Variants in FAM135A observed in about 807,000 individuals in gnomAD.
The protein encoded by FAM135A is family with sequence similarity 135 member A, also known as protein FAM135A.
In FAM135A, 79 loss-of-function variants were observed where a neutral mutation model predicts 146.8. The ratio of observed to expected loss-of-function variants is 0.54; its 90% CI spans 0.45 to 0.65. FAM135A has a LOEUF of 0.65. Among genes scored for constraint, FAM135A ranks in the 30% least tolerant of loss-of-function variants. The pLI is 0.00. For synonymous variants in FAM135A, 562 were observed against 603.6 expected, an observed-to-expected ratio of 0.93 and a Z score of 1.01; for missense variants, 1,623 against 1,758.2, an observed-to-expected ratio of 0.92 and a Z score of 1.38.
intron 2 of FAM135A, among the ~76,000 whole-genome samples, chr6:70,420,469 C>A (rs568321766): frequency 3.3e-5 from 5 of 152,192 alleles, no homozygotes; most frequent in African/African-American, 1.2e-4. Flanking sequence ...TTCCAGATAT[C>A]CATGCCTGGA....
intron 5 of FAM135A, among the ~76,000 whole-genome samples, chr6:70,458,099 T>C (rs1483845008): frequency 1.3e-5 from 2 of 149,932 alleles, no homozygotes; most frequent in African/African-American, 5.0e-5. Flanking sequence ...TTATATAATA[T>C]GTGAAAATCT....
chr6:70,526,766 TACACACACACACACACACACAC>T, intron 15 of FAM135A, 68 bp downstream of exon 15: 1 of 451,508 alleles, frequency 2.2e-6, no homozygotes, highest in Non-Finnish European at 3.7e-6. Flanking sequence ...CACACACACA[TACACACACACACACACACACAC>T]ACACACACAC....
intron 2 of FAM135A, 150 bp from the exon 3 acceptor site, chr6:70,426,289 A>C (rs1770133849): frequency 6.6e-6 from 1 of 152,212 alleles, no homozygotes; most frequent in Admixed American, 6.5e-5. Flanking sequence ...GAATGAAAAA[A>C]GTCTCTAAAA....
At chr6:70,464,332 A>G (rs1779957095) in intron 5 of FAM135A, among the ~76,000 whole-genome samples, 1 of 152,230 alleles carries the variant, frequency 6.6e-6, no homozygotes, top group Non-Finnish European at 1.5e-5. Flanking sequence ...TGAACAAGGA[A>G]ATAGGATATT....
At chr6:70,479,471 G>C (rs770228974) in intron 8 of FAM135A, among the ~76,000 whole-genome samples, 7 of 152,256 alleles carry the variant, frequency 4.6e-5, no homozygotes, top group African/African-American at 1.7e-4. Context: ...GCTGCCATGG[G>C]CCCTTATATC....
chr6:70,430,414 C>A (rs1418723218), intron 4 of FAM135A, among the ~76,000 whole-genome samples: 1 of 152,136 alleles, frequency 6.6e-6, no homozygotes. Flanking sequence ...CCACTGCATT[C>A]CATTGGCCAA....
chr6:70,420,185 A>G (rs1768498799), intron 2 of FAM135A, among the ~76,000 whole-genome samples: 1 of 152,162 alleles, frequency 6.6e-6, no homozygotes, highest in Admixed American at 6.5e-5. Flanking sequence ...AATTTGTTCA[A>G]CTTCTTTACC....
At position 70,526,354 on chromosome 6, in the gene FAM135A, G is replaced by C; in HGVS notation, c.3270G>C (p.Gln1090His). 4.3e-6 allele frequency: 7 copies of C among 1,613,466 alleles called. No individual in the cohort carries two copies. The highest frequency in any genetic ancestry group is 5.1e-6 in the Non-Finnish European group (6 of 1,179,670). ...ATAAAGAGGATGAGGAGGAAGAGCA[G>C]GATCAACAAATGGTTCAAAATGGGT... ...EQDKEDEEEE[Q>H]DQQMVQNGYY... Residue 1090 changes from glutamine (Q) to histidine (H), a missense_variant, in exon 15 of 22, where the codon CAG becomes CAC. Transcript: ENST00000418814.
intron 5 of FAM135A, among the ~76,000 whole-genome samples, chr6:70,470,713 A>G (rs975225963): frequency 6.6e-6 from 1 of 152,230 alleles, no homozygotes; most frequent in Non-Finnish European, 1.5e-5. Context: ...AGATTGTGCA[A>G]TAGTGTGAAT....
At chr6:70,498,285 A>C (rs1157295457) in intron 11 of FAM135A, among the ~76,000 whole-genome samples, 1 of 152,052 alleles carries the variant, frequency 6.6e-6, no homozygotes, top group East Asian at 1.9e-4. Context: ...GTATTCTCTG[A>C]TGGTAGTTTG....
chr6:70,531,583 GT>G (rs1795806637), intron 16 of FAM135A, among the ~76,000 whole-genome samples: 1 of 152,128 alleles, frequency 6.6e-6, no homozygotes, highest in Non-Finnish European at 1.5e-5. Context: ...GTCAGCTATT[GT>G]TTGTGCTGTT....
intron 11 of FAM135A, among the ~76,000 whole-genome samples, chr6:70,498,221 G>A (rs1787749726): frequency 6.6e-6 from 1 of 152,166 alleles, no homozygotes; most frequent in Admixed American, 6.5e-5. Context: ...ATGTGTCCAG[G>A]AATTTATCCA....
chr6:70,533,677 TA>T, intron 17 of FAM135A, 79 bp from the exon 18 acceptor site: 1 of 845,608 alleles, frequency 1.2e-6, no homozygotes, highest in Non-Finnish European at 1.8e-6. Context: ...GTACCTAAAT[TA>T]AAAATGTTTA....
At position 70,524,033 on chromosome 6, in the gene FAM135A, C is replaced by G; in HGVS notation, c.1170C>G (p.Pro390=). The stretch of plus-strand genomic sequence containing the variant: ...CTTCCTTCTGCAGTTCTCTTCCACC[C>G]TTACCTATTGAATGTAGTGAATTAG... ...KNTSFCSSLP[P]LPIECSELDG... Residue 390 remains proline (P), a synonymous_variant, in exon 14 of 22, where the codon CCC becomes CCG. Coordinates refer to ENST00000418814, the MANE Select transcript of FAM135A (RefSeq NM_001162529.3). The G allele has an allele frequency of 6.2e-7, 1 of 1,613,282 alleles. No homozygotes were observed. Among genetic ancestry groups the G allele is most frequent in the Non-Finnish European group, 8.5e-7 (1 of 1,179,532 alleles).
intron 5 of FAM135A, among the ~76,000 whole-genome samples, chr6:70,472,895 G>A (rs1781889023): frequency 6.6e-6 from 1 of 152,148 alleles, no homozygotes; most frequent in Non-Finnish European, 1.5e-5. Context: ...GTGATACGTG[G>A]TTTCTATTTG....
At chr6:70,547,983 G>C (rs548239539) in intron 20 of FAM135A, among the ~76,000 whole-genome samples, 1 of 152,144 alleles carries the variant, frequency 6.6e-6, no homozygotes, top group South Asian at 2.1e-4. Context: ...AGTTAACTAC[G>C]TTGTCTTTGA....
chr6:70,418,800 G>C (rs796686333), intron 2 of FAM135A, among the ~76,000 whole-genome samples: 7 of 152,198 alleles, frequency 4.6e-5, no homozygotes, highest in African/African-American at 1.7e-4. Flanking sequence ...AACCAATACA[G>C]ACCTAACCAA....
intron 19 of FAM135A, among the ~76,000 whole-genome samples, 198 bp downstream of exon 19, chr6:70,536,609 T>C (rs1381324825): frequency 6.6e-6 from 1 of 152,188 alleles, no homozygotes. Flanking sequence ...GCTTTTCTTA[T>C]ATTGAGATGG....
intron 12 of FAM135A, among the ~76,000 whole-genome samples, chr6:70,520,532 A>G (rs1323088802): frequency 1.3e-5 from 2 of 152,220 alleles, no homozygotes; most frequent in Non-Finnish European, 2.9e-5. Flanking sequence ...ATTAACAAAT[A>G]CTTATTTTGA....
Sources: allele counts gnomAD v4.1 joint callset (sites outside exome capture counted in the v4.1 genomes callset), GRCh38; gene constraint gnomAD v4.1.1; transcripts MANE v1.5; gene names NCBI Gene and HGNC (gene_info 2026-07-23, HGNC 2026-07-21).